Variants in SYNPR observed in about 807,000 individuals in gnomAD.
SYNPR encodes the protein synaptoporin.
Under a neutral mutation model 32.9 loss-of-function variants are expected in SYNPR, and 23 were observed. The ratio of observed to expected loss-of-function variants is 0.70; its 90% CI spans 0.50 to 0.99. SYNPR has a LOEUF of 0.99. SYNPR is among the 50% of genes least tolerant of loss of function. SYNPR has a pLI of 0.00. For missense variants in SYNPR, 318 were observed against 349.3 expected (o/e 0.91, Z 0.71); for synonymous variants, 146 against 135.9 (o/e 1.07, Z -0.52).
chr3:63,302,283 G>A (rs2086866104), intron 2 of SYNPR, among the ~76,000 whole-genome samples: 1 of 151,934 alleles, frequency 6.6e-6, no homozygotes, highest in African/African-American at 2.4e-5. Flanking sequence ...TTTACAGCAG[G>A]GATCCATTCC....
rs116637984 is a variant in SYNPR, at chr3:63,418,483, A to C, written c.85-62349A>C. On this transcript the variant is annotated intron_variant, in intron 2 of 5. Coordinates refer to ENST00000478300, the MANE Select transcript of SYNPR (RefSeq NM_001130003.2). The stretch of plus-strand genomic sequence containing the variant: ...CCACATTTTTGGGTATTTTTACAGC[A>C]GCGCCCCTCTCTACCAGTACTAATT... Among the ~76,000 whole-genome samples the C allele has an allele frequency of 1.7e-3, 258 of 152,290 alleles. 1 individual carries two copies. Among genetic ancestry groups the C allele is most frequent in the Non-Finnish European group, 3.1e-3 (213 of 68,030 alleles).
intron 3 of SYNPR, among the ~76,000 whole-genome samples, chr3:63,536,137 A>G (rs1244863991): frequency 1.3e-5 from 2 of 152,010 alleles, no homozygotes; most frequent in African/African-American, 4.8e-5. Context: ...AAATTTAAGG[A>G]ATGAAAAAAC....
chr3:63,552,526 A>T (rs917711293), intron 3 of SYNPR, among the ~76,000 whole-genome samples: 2 of 152,198 alleles, frequency 1.3e-5, no homozygotes, highest in African/African-American at 4.8e-5. Flanking sequence ...ATATACAAGC[A>T]AAAACAAATG....
chr3:63,467,864 A>C (rs1255069840), intron 2 of SYNPR, among the ~76,000 whole-genome samples: 1 of 152,124 alleles, frequency 6.6e-6, no homozygotes, highest in African/African-American at 2.4e-5. Flanking sequence ...ATGACCACGC[A>C]TCATGTCTGA....
At chr3:63,208,067 TCA>T in the SYNPR span, among the ~76,000 whole-genome samples, 6 of 150,476 alleles carry the variant, frequency 4.0e-5, no homozygotes, top group Admixed American at 1.3e-4. Flanking sequence ...ACACACACAC[TCA>T]CAGAGTCAAT....
At chr3:63,271,773 AT>A (rs1344745819) in intron 3 of SYNPR, among the ~76,000 whole-genome samples, 1 of 151,996 alleles carries the variant, frequency 6.6e-6, no homozygotes, top group Non-Finnish European at 1.5e-5. Flanking sequence ...TAATCCTAGG[AT>A]TATATGTATT....
the SYNPR span, among the ~76,000 whole-genome samples, chr3:63,223,001 C>T: frequency 6.6e-6 from 1 of 152,124 alleles, no homozygotes; most frequent in African/African-American, 2.4e-5. Flanking sequence ...GGCACTCTCC[C>T]AGGCTGCTGT....
chr3:63,204,636 T>C, the SYNPR span, among the ~76,000 whole-genome samples: 1 of 152,202 alleles, frequency 6.6e-6, no homozygotes, highest in Non-Finnish European at 1.5e-5. Flanking sequence ...ACCTAGATTC[T>C]TCGCTACCAC....
the SYNPR span, among the ~76,000 whole-genome samples, chr3:63,203,746 C>G: frequency 6.6e-6 from 1 of 152,128 alleles, no homozygotes; most frequent in Non-Finnish European, 1.5e-5. Flanking sequence ...CCTGTAATCC[C>G]AGCACTTTAG....
Position 63,287,124 on chromosome 3 carries a change from T to C in SYNPR, c.84+8382T>C, listed in dbSNP as rs574641262. 9.2e-5 allele frequency among the ~76,000 whole-genome samples: 14 copies of C among 152,294 alleles called. No individual in the cohort carries two copies. The South Asian group carries it at 2.5e-3, about 27-fold the overall frequency. ...GGATGATGCTGCCAGTCGAATGTAA[T>C]GAATTATCCAAACTTTACTGGGGAA... On this transcript the variant is annotated intron_variant, in intron 2 of 5. Transcript: ENST00000478300.
chr3:63,205,373 ATTCTC>A, the SYNPR span, among the ~76,000 whole-genome samples: 1 of 152,230 alleles, frequency 6.6e-6, no homozygotes, highest in South Asian at 2.1e-4. Flanking sequence ...TGTCCAAAAT[ATTCTC>A]TTCTACCATT....
In SYNPR at chr3:63,278,392, C is replaced by T. The variant is rs2086595986; in HGVS notation, c.-142C>T. The T allele has an allele frequency of 1.0e-5, 11 of 1,098,244 alleles. No individual in the cohort carries two copies. In the South Asian group the frequency reaches 2.0e-4, roughly 20 times the overall value. 68.0% of individuals were successfully genotyped at this position (1,098,244 alleles called of 1,614,324 possible). A position where few individuals can be genotyped will look rare whatever the true frequency, so the allele number is the denominator to read the frequency against. On this transcript the variant is annotated 5_prime_UTR_variant, in exon 1 of 6. Transcript: ENST00000478300. Reference sequence around the variant, plus strand: ...GCGTTAGCGGGTGGGCTCCCCGAGGCCCCCTGCCCTCGCCGGGCTGCTCCA... The same window carrying T: ...GCGTTAGCGGGTGGGCTCCCCGAGGTCCCCTGCCCTCGCCGGGCTGCTCCA...
the SYNPR span, among the ~76,000 whole-genome samples, chr3:63,222,982 T>C: frequency 6.6e-6 from 1 of 152,190 alleles, no homozygotes; most frequent in African/African-American, 2.4e-5. Flanking sequence ...CAAAATCTGC[T>C]GTAGATCAGG....
chr3:63,509,278 ATATGTGTGTG>A (rs1470789465), intron 3 of SYNPR, among the ~76,000 whole-genome samples: 1 of 84,936 alleles, frequency 1.2e-5, no homozygotes, highest in African/African-American at 7.8e-5. Flanking sequence ...AAAGTTATAT[ATATGTGTGTG>A]TATATATATA....
chr3:63,558,138 G>A (rs1702624057), intron 4 of SYNPR, among the ~76,000 whole-genome samples: 1 of 152,148 alleles, frequency 6.6e-6, no homozygotes, highest in Non-Finnish European at 1.5e-5. Flanking sequence ...TCTCTGCTAT[G>A]TTTTGACACA....
At chr3:63,259,760 A>G (rs1248323596) in intron 2 of SYNPR, among the ~76,000 whole-genome samples, 2 of 152,220 alleles carry the variant, frequency 1.3e-5, no homozygotes, top group Admixed American at 6.5e-5. Flanking sequence ...AGGATATTCA[A>G]TTAGGAAAAG....
intron 2 of SYNPR, among the ~76,000 whole-genome samples, chr3:63,337,022 A>G (rs1296822992): frequency 3.3e-5 from 5 of 152,096 alleles, no homozygotes; most frequent in Non-Finnish European, 2.9e-5. Context: ...ACTTGAGGTC[A>G]GGAGTTCGAG....
In SYNPR at chr3:63,390,549, G is replaced by A. The variant is rs542952428; in HGVS notation, c.85-90283G>A. ...CAATGCCAATAGTACCATGTGAGAC[G>A]AAATAGAGCCCGTTGTGCATCTTAT... On this transcript the variant is annotated intron_variant, in intron 2 of 5. Coordinates refer to ENST00000478300, the MANE Select transcript of SYNPR (RefSeq NM_001130003.2). Among the ~76,000 whole-genome samples the A allele has an allele frequency of 3.0e-4, 45 of 152,302 alleles. No homozygotes were observed. In the South Asian group the frequency reaches 8.7e-3, roughly 29 times the overall value.
intron 2 of SYNPR, among the ~76,000 whole-genome samples, chr3:63,383,947 T>A (rs185648350): frequency 1.3e-5 from 2 of 152,338 alleles, no homozygotes; most frequent in East Asian, 3.9e-4. Context: ...TTGCTTAATA[T>A]GGTGGAATAT....
Sources: gnomAD v4.1 joint callset for allele counts (sites outside exome capture counted in the v4.1 genomes callset) on GRCh38, gnomAD v4.1.1 for gene constraint, MANE v1.5 for transcripts, NCBI Gene and HGNC (gene_info 2026-07-23, HGNC 2026-07-21) for gene names.